VPS13B: variants seen among roughly 807,000 people sequenced by gnomAD.
The protein encoded by VPS13B is intermembrane lipid transfer protein VPS13B.
Under a neutral mutation model 426.4 loss-of-function variants are expected in VPS13B, and 285 were observed. The ratio of observed to expected loss-of-function variants is 0.67; its 90% CI spans 0.61 to 0.74. The LOEUF (loss-of-function observed/expected upper bound fraction) is 0.74, where lower values mean the gene tolerates loss of function less well. Among genes scored for constraint, VPS13B ranks in the 30% least tolerant of loss-of-function variants. VPS13B has a pLI of 0.00. For missense variants in VPS13B, 4,537 were observed against 4,782.6 expected (o/e 0.95, Z 1.51); for synonymous variants, 1,676 against 1,676.4 (o/e 1.00, Z 0.01).
intron 17 of VPS13B, among the ~76,000 whole-genome samples, chr8:99,240,554 T>C (rs186406185): frequency 1.0e-3 from 157 of 152,314 alleles, no homozygotes; most frequent in African/African-American, 3.5e-3. Flanking sequence ...TTTAAGTATA[T>C]GTACTCATTA....
At chr8:99,561,492 A>C in intron 31 of VPS13B, among the ~76,000 whole-genome samples, 1 of 152,224 alleles carries the variant, frequency 6.6e-6, no homozygotes, top group East Asian at 1.9e-4. Context: ...ATGATGCAAA[A>C]ATAATAATGC....
chr8:99,543,591 A>G (rs955698465), intron 30 of VPS13B, among the ~76,000 whole-genome samples: 2 of 151,996 alleles, frequency 1.3e-5, no homozygotes, highest in African/African-American at 4.8e-5. Flanking sequence ...TCCAGAATCT[A>G]CAAAGAACTC....
intron 35 of VPS13B, among the ~76,000 whole-genome samples, chr8:99,668,993 C>T (rs573007885): frequency 1.1e-4 from 16 of 152,212 alleles, no homozygotes; most frequent in African/African-American, 2.9e-4. Flanking sequence ...GAAAATTCCC[C>T]GTGAGAAGGT....
Position 99,699,925 on chromosome 8 carries a change from A to G in VPS13B, c.6447A>G (p.Lys2149=), listed in dbSNP as rs1230770157. 1 of 1,613,894 alleles carries G rather than the reference A, an allele frequency of 6.2e-7. No individual in the cohort carries two copies. Among genetic ancestry groups the G allele is most frequent in the Admixed American group, 1.7e-5 (1 of 59,990 alleles). ...NGSLSVKATQ[K]VPGIILGSSF... ...GCCTTAGTGTCAAGGCAACACAAAA[A>G]GTACCTGGTAAGTCACAGAAAAGGG... Residue 2149 remains lysine, a synonymous_variant, in exon 36 of 62, where the codon AAA becomes AAG. Coordinates refer to ENST00000357162, the MANE Select transcript of VPS13B (RefSeq NM_152564.5).
intron 7 of VPS13B, among the ~76,000 whole-genome samples, chr8:99,116,170 G>C (rs1847643505): frequency 6.6e-6 from 1 of 151,416 alleles, no homozygotes; most frequent in Admixed American, 6.6e-5. Flanking sequence ...TGGGATTACA[G>C]ACATGCATCA....
chr8:99,864,662 TAA>T (rs976078209), intron 58 of VPS13B, among the ~76,000 whole-genome samples: 4 of 152,344 alleles, frequency 2.6e-5, no homozygotes, highest in African/African-American at 9.6e-5. Context: ...ACCCAGTTAA[TAA>T]AAATATATTA....
At chr8:99,302,646 A>C (rs1820426930) in intron 19 of VPS13B, among the ~76,000 whole-genome samples, 1 of 152,092 alleles carries the variant, frequency 6.6e-6, no homozygotes, top group Non-Finnish European at 1.5e-5. Context: ...GGTGGCTGGC[A>C]TTACAGGGTA....
chr8:99,087,981 C>T (rs968790574), intron 3 of VPS13B, among the ~76,000 whole-genome samples: 7 of 151,766 alleles, frequency 4.6e-5, no homozygotes, highest in African/African-American at 1.2e-4. Flanking sequence ...GTCAGGAGTT[C>T]GAGACCAGCC....
At chr8:99,139,951 A>C (rs1434724777) in intron 12 of VPS13B, among the ~76,000 whole-genome samples, 1 of 152,074 alleles carries the variant, frequency 6.6e-6, no homozygotes, top group Non-Finnish European at 1.5e-5. Flanking sequence ...AAATTTTATT[A>C]AGTAAATATC....
At chr8:99,088,842 A>T (rs1249217736) in intron 3 of VPS13B, among the ~76,000 whole-genome samples, 1 of 152,178 alleles carries the variant, frequency 6.6e-6, no homozygotes, top group African/African-American at 2.4e-5. Flanking sequence ...TATTTAACCT[A>T]AATTGGGCTA....
At chr8:99,705,674 T>A (rs1332134245) in intron 36 of VPS13B, among the ~76,000 whole-genome samples, 1 of 152,186 alleles carries the variant, frequency 6.6e-6, no homozygotes, top group Admixed American at 6.5e-5. Context: ...TTTTGAGGTA[T>A]ATATTCATTG....
chr8:99,130,082 A>G (rs751483065), intron 8 of VPS13B, among the ~76,000 whole-genome samples: 5 of 152,224 alleles, frequency 3.3e-5, no homozygotes, highest in Non-Finnish European at 7.3e-5. Flanking sequence ...ATTTTTATAG[A>G]CTTCTTGGGC....
chr8:99,635,438 A>G (rs987951963), intron 33 of VPS13B, among the ~76,000 whole-genome samples: 4 of 151,978 alleles, frequency 2.6e-5, no homozygotes, highest in African/African-American at 9.7e-5. Flanking sequence ...CAGCACGGCT[A>G]TTATATTACC....
At chr8:99,665,543 C>A (rs1202836413) in intron 35 of VPS13B, among the ~76,000 whole-genome samples, 1 of 152,172 alleles carries the variant, frequency 6.6e-6, no homozygotes, top group African/African-American at 2.4e-5. Context: ...ATATGGCTAG[C>A]CAGTTTTCCC....
At chr8:99,241,556 G>C (rs1816934238) in intron 17 of VPS13B, 1 of 152,048 alleles carries the variant, frequency 6.6e-6, no homozygotes, top group Non-Finnish European at 1.5e-5. Context: ...GTGCACTTTT[G>C]CCATTTTTAG....
intron 25 of VPS13B, among the ~76,000 whole-genome samples, chr8:99,487,111 A>G (rs903670490): frequency 5.3e-5 from 8 of 151,842 alleles, no homozygotes; most frequent in African/African-American, 1.5e-4. Context: ...AAACCAAGAA[A>G]AAAAAAAAAA....
intron 60 of VPS13B, 113 bp downstream of exon 60, chr8:99,871,000 G>A: frequency 9.6e-7 from 1 of 1,044,700 alleles, no homozygotes; most frequent in Non-Finnish European, 1.5e-6. Context: ...AGTAGCCATT[G>A]TTGGCACTGG....
chr8:99,491,768 A>T lies in VPS13B; in HGVS notation c.3871-9919A>T, dbSNP rs188465332. ...ATTCTAGTTAGCCATTCATCTAACC[A>T]TTTTTCAAGGTTTTTAGCTTCCTTG... On this transcript the variant is annotated intron_variant, in intron 25 of 61. Coordinates refer to ENST00000357162, the MANE Select transcript of VPS13B (RefSeq NM_152564.5). Among the ~76,000 whole-genome samples, 126 of 152,100 alleles carry T rather than the reference A, an allele frequency of 8.3e-4. 2 individuals are homozygous for T. The highest frequency in any genetic ancestry group is 2.7e-3 in the African/African-American group (112 of 41,494).
intron 33 of VPS13B, among the ~76,000 whole-genome samples, chr8:99,633,391 C>A (rs1828928775): frequency 6.6e-6 from 1 of 151,988 alleles, no homozygotes; most frequent in Admixed American, 6.6e-5. Context: ...AAACTTTCAT[C>A]TGCTTCAGGG....
Sources: gnomAD v4.1 joint callset for allele counts (sites outside exome capture counted in the v4.1 genomes callset) on GRCh38, gnomAD v4.1.1 for gene constraint, MANE v1.5 for transcripts, NCBI Gene and HGNC (gene_info 2026-07-23, HGNC 2026-07-21) for gene names.